RPS6KC1: variants seen among roughly 807,000 people sequenced by gnomAD.
The protein encoded by RPS6KC1 is ribosomal protein S6 kinase C1.
In RPS6KC1, 54 loss-of-function variants were observed where a neutral mutation model predicts 103.8. The observed-to-expected ratio is 0.52, with a 90% CI of 0.42 to 0.65. The LOEUF (loss-of-function observed/expected upper bound fraction) is 0.65, where lower values mean the gene tolerates loss of function less well. Among genes scored for constraint, RPS6KC1 ranks in the 30% least tolerant of loss-of-function variants. The probability of loss-of-function intolerance (pLI) is 0.00; values close to 1 mark genes in which losing one functional copy is unlikely to be tolerated. For synonymous variants in RPS6KC1, 439 were observed against 438.7 expected (o/e 1.00, Z -0.01); for missense variants, 1,151 against 1,253.8 (o/e 0.92, Z 1.24).
chr1:213,667,852 A>G, the RPS6KC1 span, among the ~76,000 whole-genome samples: 1 of 152,262 alleles, frequency 6.6e-6, no homozygotes, highest in Non-Finnish European at 1.5e-5. Flanking sequence ...CACCAAGAGT[A>G]GATTCCATCT....
the RPS6KC1 span, among the ~76,000 whole-genome samples, chr1:213,629,628 G>T: frequency 1.3e-5 from 2 of 152,102 alleles, no homozygotes; most frequent in Non-Finnish European, 2.9e-5. Flanking sequence ...CTGTCATTAT[G>T]ATGTTAGCTG....
chr1:213,226,842 T>C (rs2093975360), intron 8 of RPS6KC1, among the ~76,000 whole-genome samples: 6 of 152,248 alleles, frequency 3.9e-5, no homozygotes, highest in Admixed American at 2.6e-4. Context: ...TGTACTTTTC[T>C]CATTACACTT....
the RPS6KC1 span, among the ~76,000 whole-genome samples, chr1:213,404,421 A>C: frequency 7.5e-3 from 1,145 of 152,298 alleles, 16 homozygotes; most frequent in African/African-American, 0.026. Flanking sequence ...GATAATTACC[A>C]CTATTTTCAT....
chr1:213,520,515 C>T, the RPS6KC1 span, among the ~76,000 whole-genome samples: 1 of 152,062 alleles, frequency 6.6e-6, no homozygotes, highest in Non-Finnish European at 1.5e-5. Context: ...ACTCAGTGAC[C>T]CTTGGAGGGA....
chr1:213,497,955 A>G, the RPS6KC1 span, among the ~76,000 whole-genome samples: 5 of 152,190 alleles, frequency 3.3e-5, no homozygotes, highest in South Asian at 2.1e-4. Context: ...TCAAGATATA[A>G]CTAAATAAAC....
At chr1:213,089,978 A>G (rs1007433864) in intron 3 of RPS6KC1, among the ~76,000 whole-genome samples, 4 of 152,192 alleles carry the variant, frequency 2.6e-5, no homozygotes, top group Non-Finnish European at 5.9e-5. Flanking sequence ...TTATCTAGAA[A>G]TTTTATGGGC....
the RPS6KC1 span, among the ~76,000 whole-genome samples, chr1:213,728,925 C>A: frequency 8.1e-6 from 1 of 123,122 alleles, no homozygotes; most frequent in Admixed American, 8.1e-5. Context: ...CCTTATTCCC[C>A]AGAACATGAG....
the RPS6KC1 span, among the ~76,000 whole-genome samples, chr1:213,317,264 C>T: frequency 1.3e-5 from 2 of 152,190 alleles, no homozygotes; most frequent in South Asian, 4.2e-4. Flanking sequence ...TCTTCAATTC[C>T]CTATTGTACA....
At chr1:213,576,820 C>T in the RPS6KC1 span, among the ~76,000 whole-genome samples, 1 of 152,164 alleles carries the variant, frequency 6.6e-6, no homozygotes, top group Non-Finnish European at 1.5e-5. Context: ...CCAAAACCAA[C>T]CAAAAGCTAG....
the RPS6KC1 span, among the ~76,000 whole-genome samples, chr1:213,515,558 C>G: frequency 9.2e-5 from 14 of 152,146 alleles, no homozygotes; most frequent in Non-Finnish European, 1.6e-4. Flanking sequence ...GGCATTATTT[C>G]TGAGGGCTCT....
At chr1:213,606,044 G>A in the RPS6KC1 span, among the ~76,000 whole-genome samples, 1 of 152,186 alleles carries the variant, frequency 6.6e-6, no homozygotes, top group Non-Finnish European at 1.5e-5. Context: ...CAGGGAGGAC[G>A]GTGGCAGCGC....
At chr1:213,829,111 G>A in the RPS6KC1 span, among the ~76,000 whole-genome samples, 3 of 152,034 alleles carry the variant, frequency 2.0e-5, no homozygotes, top group Non-Finnish European at 4.4e-5. Context: ...TTGTAGTCCC[G>A]ACGAAGCCTA....
At chr1:213,290,433 G>C in the RPS6KC1 span, among the ~76,000 whole-genome samples, 1 of 152,188 alleles carries the variant, frequency 6.6e-6, no homozygotes, top group Non-Finnish European at 1.5e-5. Flanking sequence ...ATTTTTAAAA[G>C]GCGGGGAGGA....
At chr1:213,773,719 C>G in the RPS6KC1 span, among the ~76,000 whole-genome samples, 1 of 152,050 alleles carries the variant, frequency 6.6e-6, no homozygotes, top group East Asian at 1.9e-4. Flanking sequence ...GGAATTTCTT[C>G]TTCTTCAGGA....
At chr1:213,300,430 C>G in the RPS6KC1 span, among the ~76,000 whole-genome samples, 1 of 152,176 alleles carries the variant, frequency 6.6e-6, no homozygotes, top group East Asian at 1.9e-4. Context: ...AGAAAAGAAG[C>G]AGGAGTATTG....
chr1:213,744,408 A>G, the RPS6KC1 span, among the ~76,000 whole-genome samples: 1 of 152,226 alleles, frequency 6.6e-6, no homozygotes, highest in African/African-American at 2.4e-5. Flanking sequence ...ACAAAAACGC[A>G]GTATGCTTGC....
At chr1:213,217,335 C>T (rs2093693175) in intron 8 of RPS6KC1, among the ~76,000 whole-genome samples, 2 of 152,098 alleles carry the variant, frequency 1.3e-5, no homozygotes, top group Admixed American at 1.3e-4. Flanking sequence ...GAAGTTGAAA[C>T]TCTGAATAGA....
the RPS6KC1 span, among the ~76,000 whole-genome samples, chr1:213,523,450 C>T: frequency 6.6e-6 from 1 of 152,120 alleles, no homozygotes; most frequent in African/African-American, 2.4e-5. Context: ...TGCCACAGAC[C>T]TTCACTTTCT....
At chr1:213,846,177 G>A in the RPS6KC1 span, among the ~76,000 whole-genome samples, 6 of 151,104 alleles carry the variant, frequency 4.0e-5, no homozygotes, top group African/African-American at 1.5e-4. Flanking sequence ...GCACTTGCCT[G>A]TAGTCCCAGC....
Sources: gnomAD v4.1 joint callset for allele counts (sites outside exome capture counted in the v4.1 genomes callset) on GRCh38, gnomAD v4.1.1 for gene constraint, MANE v1.5 for transcripts, NCBI Gene and HGNC (gene_info 2026-07-23, HGNC 2026-07-21) for gene names.